Variants in PARP1 observed in about 807,000 individuals in gnomAD.
PARP1 encodes poly [ADP-ribose] polymerase 1.
Under a neutral mutation model 118.7 loss-of-function variants are expected in PARP1, and 44 were observed. That is an observed-to-expected ratio of 0.37 (90% CI 0.29 to 0.48). The LOEUF is 0.48. PARP1 is among the 20% of genes least tolerant of loss of function. PARP1 has a pLI of 0.99. For missense variants in PARP1, 1,100 were observed against 1,272.4 expected (o/e 0.86, Z 2.06); for synonymous variants, 492 against 483.2 (o/e 1.02, Z -0.24).
At chr1:226,387,064 C>T (rs1664729937) in intron 5 of PARP1, among the ~76,000 whole-genome samples, 1 of 152,148 alleles carries the variant, frequency 6.6e-6, no homozygotes, top group Non-Finnish European at 1.5e-5. Context: ...CTCACTGCAA[C>T]CTCCACCTTC....
Position 226,390,399 on chromosome 1 carries a change from G to A in PARP1, c.617+11C>T, listed in dbSNP as rs779569223. The A allele has an allele frequency of 4.7e-5, 75 of 1,611,932 alleles. No individual in the cohort carries two copies. The highest frequency in any genetic ancestry group is 1.9e-4 in the Middle Eastern group (1 of 5,140). ...TGAACCCCCAGGGCAACCCCGCAGT[G>A]CTCCACCCACCCTTCACTCTTGACT... On this transcript the variant is annotated intron_variant, in intron 4 of 22. Coordinates refer to ENST00000366794, the MANE Select transcript of PARP1 (RefSeq NM_001618.4).
At position 226,408,085 on chromosome 1, in the gene PARP1, T is replaced by C. The variant is rs1460423926; in HGVS notation, c.-156A>G. On this transcript the variant is annotated 5_prime_UTR_variant, in exon 1 of 23. Coordinates refer to ENST00000366794, the MANE Select transcript of PARP1 (RefSeq NM_001618.4). ...CGCACCGGCCACCGCCGTTCCCTGA[T>C]AGATTGCTGATGCCTGGCCGCGGGA... 8 of 1,088,242 alleles carry C rather than the reference T, an allele frequency of 7.4e-6. No individual in the cohort carries two copies. The highest frequency in any genetic ancestry group is 1.1e-5 in the Non-Finnish European group (8 of 749,386). 67.4% of individuals were successfully genotyped at this position (1,088,242 alleles called of 1,614,324 possible). A position where few individuals can be genotyped will look rare whatever the true frequency, so the allele number is the denominator to read the frequency against.
intron 2 of PARP1, chr1:226,401,912 G>A: frequency 1.5e-6 from 2 of 1,301,244 alleles, no homozygotes; most frequent in Non-Finnish European, 2.0e-6. Flanking sequence ...GAGGGGGAGG[G>A]GGTACTGGAA....
At position 226,407,922 on chromosome 1, in the gene PARP1, TCCG is replaced by T; in HGVS notation, c.5_7del (p.Ala2del). ...GACTCGATAGAGCTTATCCGAAGAC[TCCG>T]CCATCCTCCCCTAGCTGCCGCCAAA... is the stretch of plus-strand genomic sequence containing the variant. On this transcript the variant is annotated inframe_deletion, in exon 1 of 23. Coordinates refer to ENST00000366794, the MANE Select transcript of PARP1 (RefSeq NM_001618.4). The T allele has an allele frequency of 2.5e-6, 4 of 1,612,092 alleles. No individual in the cohort carries two copies. The highest frequency in any genetic ancestry group is 3.4e-6 in the Non-Finnish European group (4 of 1,179,030).
intron 13 of PARP1, 89 bp from the exon 14 acceptor site, chr1:226,374,443 A>G (rs1233377273): frequency 6.6e-7 from 1 of 1,520,450 alleles, no homozygotes; most frequent in Non-Finnish European, 9.1e-7. Context: ...CAGACAAAGG[A>G]CACAGGCTAG....
chr1:226,367,520 G>A lies in PARP1; in HGVS notation c.2366C>T (p.Pro789Leu), dbSNP rs139753887. The A allele has an allele frequency of 8.1e-5, 130 of 1,614,044 alleles. No individual in the cohort carries two copies. In the South Asian group the frequency reaches 1.4e-3, roughly 17 times the overall value. The change falls in exon 17 of 23, where the codon CCC (proline) becomes CTC (leucine). Residue 789 changes from proline (P) to leucine (L), a missense_variant. Around this residue, in one of 2 missense-constraint regions of PARP1, gnomAD observed 948 missense variants for 1,031.8 expected, o/e 0.92. Coordinates refer to ENST00000366794, the MANE Select transcript of PARP1 (RefSeq NM_001618.4). ...GAGCTTCTCATAGTTGACATCGATG[G>A]GATCCTTGCTGCTATCATCAGACCC... ...RGGSDDSSKD[P>L]IDVNYEKLKT...
At chr1:226,370,391 C>A (rs1298280227) in intron 15 of PARP1, 43 bp downstream of exon 15, 1 of 1,470,338 alleles carries the variant, frequency 6.8e-7, no homozygotes, top group African/African-American at 1.4e-5. Context: ...CCTAAGTCGG[C>A]CAGAGGAGGG....
intron 1 of PARP1, among the ~76,000 whole-genome samples, chr1:226,405,570 T>G (rs7525191): frequency 0.22 from 34,110 of 151,824 alleles, 4,558 homozygotes; most frequent in African/African-American, 0.36. Context: ...CCTCCCAAAG[T>G]GCTGAGATTA....
At chr1:226,382,689 T>G (rs1433520499) in intron 8 of PARP1, among the ~76,000 whole-genome samples, 5 of 152,216 alleles carry the variant, frequency 3.3e-5, no homozygotes, top group African/African-American at 4.8e-5. Flanking sequence ...GGATTAATTT[T>G]AAACATTTTT....
In PARP1 at chr1:226,380,001, C is replaced by T; in HGVS notation, c.1464G>A (p.Glu488=). The change falls in exon 10 of 23, where the codon GAG becomes GAA. Residue 488 remains glutamate (E), a synonymous_variant. Coordinates refer to ENST00000366794, the MANE Select transcript of PARP1 (RefSeq NM_001618.4). ...CTCTTGGGGCCACAACTTCAACAGG[C>T]TCTGCCTTCACCTCTGCCCCCCAAG... is the stretch of plus-strand genomic sequence containing the variant. ...LSPWGAEVKA[E]PVEVVAPRGK... 1 of 1,614,218 alleles carries T rather than the reference C, an allele frequency of 6.2e-7. No individual in the cohort carries two copies. The highest frequency in any genetic ancestry group is 8.5e-7 in the Non-Finnish European group (1 of 1,180,040).
intron 19 of PARP1, among the ~76,000 whole-genome samples, 161 bp downstream of exon 19, chr1:226,364,841 C>A (rs372638151): frequency 6.6e-6 from 1 of 152,234 alleles, no homozygotes; most frequent in African/African-American, 2.4e-5. Flanking sequence ...GTGTTTGAAA[C>A]CCCTGACAGG....
At chr1:226,384,254 G>A (rs1006699361) in intron 7 of PARP1, among the ~76,000 whole-genome samples, 3 of 152,202 alleles carry the variant, frequency 2.0e-5, no homozygotes, top group Non-Finnish European at 2.9e-5. Flanking sequence ...CAAGACTGGC[G>A]GTGGGGTGGG....
At chr1:226,398,522 A>G (rs1664968243) in intron 2 of PARP1, among the ~76,000 whole-genome samples, 1 of 118,128 alleles carries the variant, frequency 8.5e-6, no homozygotes, top group South Asian at 2.6e-4. Context: ...GGAGCAAGAC[A>G]GTCTTAAAAA....
At chr1:226,370,775 C>T (rs1028040900) in intron 14 of PARP1, 9 of 533,520 alleles carry the variant, frequency 1.7e-5, no homozygotes, top group Non-Finnish European at 3.1e-5. Context: ...CCCCTATGCC[C>T]AGTTTCAAAC....
chr1:226,401,928 T>C, intron 2 of PARP1: 1 of 1,414,530 alleles, frequency 7.1e-7, no homozygotes, highest in Non-Finnish European at 9.2e-7. Flanking sequence ...TGGAAACTCT[T>C]TGTTCTTTGC....
At chr1:226,366,179 A>C in intron 17 of PARP1, 127 bp from the exon 18 acceptor site, 1 of 718,998 alleles carries the variant, frequency 1.4e-6, no homozygotes, top group Admixed American at 2.0e-5. Flanking sequence ...CATGACCGAG[A>C]GCCTGTGTCC....
At chr1:226,404,833 G>C (rs1314547058) in intron 1 of PARP1, among the ~76,000 whole-genome samples, 2 of 152,178 alleles carry the variant, frequency 1.3e-5, no homozygotes, top group Non-Finnish European at 2.9e-5. Context: ...ACCAGCAGCT[G>C]GTGAACTGGG....
intron 20 of PARP1, 131 bp from the exon 21 acceptor site, chr1:226,363,291 T>C: frequency 1.4e-6 from 1 of 729,278 alleles, no homozygotes; most frequent in Non-Finnish European, 2.5e-6. Flanking sequence ...TCTAAACTGC[T>C]CAGGCTCCCT....
intron 14 of PARP1, among the ~76,000 whole-genome samples, chr1:226,373,019 T>C (rs1469567513): frequency 1.3e-5 from 2 of 152,206 alleles, no homozygotes; most frequent in Non-Finnish European, 2.9e-5. Flanking sequence ...CGTTAGAGGA[T>C]GTAACTCAAC....
Sources: gnomAD v4.1 joint callset for allele counts (sites outside exome capture counted in the v4.1 genomes callset) on GRCh38, gnomAD v4.1.1 for gene constraint, gnomAD v4.1.1 regional missense constraint, MANE v1.5 for transcripts, NCBI Gene and HGNC (gene_info 2026-07-23, HGNC 2026-07-21) for gene names.